TPH1: variants seen among roughly 807,000 people sequenced by gnomAD.
TPH1 encodes the protein tryptophan 5-hydroxylase 1.
In TPH1, 37 loss-of-function variants were observed where a neutral mutation model predicts 49.5. The ratio of observed to expected loss-of-function variants is 0.75; its 90% CI spans 0.58 to 0.98. The LOEUF is 0.98. TPH1 is among the 50% of genes least tolerant of loss of function. The pLI is 0.00. For synonymous variants in TPH1, 160 were observed against 182.1 expected, an observed-to-expected ratio of 0.88 and a Z score of 0.98; for missense variants, 487 against 523.6, an observed-to-expected ratio of 0.93 and a Z score of 0.68.
At chr11:18,043,145 T>C (rs1848113540) in intron 1 of TPH1, among the ~76,000 whole-genome samples, 1 of 152,126 alleles carries the variant, frequency 6.6e-6, no homozygotes, top group African/African-American at 2.4e-5. Context: ...AACCACTAGC[T>C]TCATCATGTA....
rs369872079 is a variant in TPH1, at chr11:18,040,730, A to G, written c.33T>C (p.His11=). Residue 11 remains histidine (H), a synonymous_variant, in exon 2 of 11, where the codon CAT becomes CAC. Coordinates refer to ENST00000682019, the MANE Select transcript of TPH1 (RefSeq NM_004179.3). MIEDNKENKD[H]SLERGRASLI... ...GACTTGCTCTTCCCCTTTCTAAGGA[A>G]TGGTCTTTGTTCTCCTTATTGTCTT... is the stretch of plus-strand genomic sequence containing the variant. 1.2e-6 allele frequency: 2 copies of G among 1,612,074 alleles called. No homozygotes were observed. The highest frequency in any genetic ancestry group is 1.7e-6 in the Non-Finnish European group (2 of 1,178,818).
At chr11:18,042,738 CA>C (rs919146412) in intron 1 of TPH1, among the ~76,000 whole-genome samples, 1 of 151,802 alleles carries the variant, frequency 6.6e-6, no homozygotes, top group Admixed American at 6.6e-5. Flanking sequence ...TTCCAGTTTT[CA>C]AAAAAAGAGA....
In TPH1 at chr11:18,032,044, G is replaced by C. The variant is rs550321001; in HGVS notation, c.402+1230C>G. 1.9e-3 allele frequency among the ~76,000 whole-genome samples: 291 copies of C among 152,134 alleles called. 2 individuals carry two copies. The highest frequency in any genetic ancestry group is 6.8e-3 in the African/African-American group (283 of 41,484). Reference sequence around the variant, plus strand: ...GCAATAGTTATTCAATAAGATTATAGAATAATTGGACAGATCATCTAGTGG... The same window carrying C: ...GCAATAGTTATTCAATAAGATTATACAATAATTGGACAGATCATCTAGTGG... On this transcript the variant is annotated intron_variant, in intron 4 of 10. Transcript: ENST00000682019.
chr11:18,019,457 G>A lies in TPH1; in HGVS notation c.*1534C>T, dbSNP rs1321681121. 2 of 334,456 alleles carry A rather than the reference G, an allele frequency of 6.0e-6. No homozygotes were observed. The highest frequency in any genetic ancestry group is 4.3e-5 in the African/African-American group (2 of 46,046). 20.7% of individuals were successfully genotyped at this position (334,456 alleles called of 1,614,324 possible). ...CTGTTCAATTTGAGATGCTTGGCAGGGCTGTCATATTGAACAACCCCTATT... is the reference window on the plus strand; with the variant it reads ...CTGTTCAATTTGAGATGCTTGGCAGAGCTGTCATATTGAACAACCCCTATT... On this transcript the variant is annotated 3_prime_UTR_variant, in exon 11 of 11. Transcript: ENST00000682019.
At chr11:18,030,408 G>A (rs563961677) in intron 4 of TPH1, among the ~76,000 whole-genome samples, 2 of 151,288 alleles carry the variant, frequency 1.3e-5, no homozygotes, top group East Asian at 3.9e-4. Flanking sequence ...GGCAATAGAG[G>A]GAGACTCTAT....
chr11:18,032,818 T>C (rs1056454879), intron 4 of TPH1, among the ~76,000 whole-genome samples: 4 of 152,054 alleles, frequency 2.6e-5, no homozygotes, highest in Non-Finnish European at 5.9e-5. Flanking sequence ...AGTGCTGGGC[T>C]TACAGGCGCG....
intron 3 of TPH1, among the ~76,000 whole-genome samples, chr11:18,034,339 C>T (rs2134031418): frequency 6.6e-6 from 1 of 152,216 alleles, no homozygotes; most frequent in East Asian, 1.9e-4. Flanking sequence ...GCTCTTCTTG[C>T]CCCAGCATAT....
chr11:18,022,983 T>A, intron 9 of TPH1, 52 bp from the exon 10 acceptor site: 1 of 1,594,904 alleles, frequency 6.3e-7, no homozygotes, highest in Non-Finnish European at 8.6e-7. Context: ...TTTTCATAGA[T>A]CATGCAACTT....
intron 4 of TPH1, 77 bp downstream of exon 4, chr11:18,033,197 A>AAGCCGAG: frequency 1.8e-6 from 2 of 1,110,972 alleles, no homozygotes; most frequent in Non-Finnish European, 2.8e-6. Context: ...AGGTTGCAGT[A>AAGCCGAG]AGCCGAGATC....
chr11:18,023,982 C>T lies in TPH1; in HGVS notation c.932G>A (p.Cys311Tyr), dbSNP rs768603475. 14 of 1,607,416 alleles carry T rather than the reference C, an allele frequency of 8.7e-6. No individual in the cohort carries two copies. Among genetic ancestry groups the T allele is most frequent in the Middle Eastern group, 1.7e-4 (1 of 6,044 alleles). The change falls in exon 9 of 11, where the codon TGC (cysteine) becomes TAC (tyrosine). Residue 311 changes from cysteine (C) to tyrosine (Y), a missense_variant and splice_region_variant. By Grantham distance (194) the Cys-to-Tyr change is radical. Coordinates refer to ENST00000682019, the MANE Select transcript of TPH1 (RefSeq NM_004179.3). ...ACCAAACTCCACAGTGAAAAAGTAG[C>T]ACTGCAAAAGAACATCAATATTATT... ...SEEAVQKLAT[C>Y]YFFTVEFGLC...
intron 2 of TPH1, among the ~76,000 whole-genome samples, chr11:18,039,989 T>C (rs921100236): frequency 1.3e-5 from 2 of 151,910 alleles, no homozygotes; most frequent in Non-Finnish European, 2.9e-5. Context: ...GTTCTGACAA[T>C]AGGAGACACT....
Position 18,036,265 on chromosome 11 carries a change from G to T in TPH1, c.118-123C>A, listed in dbSNP as rs1450507767. On this transcript the variant is annotated intron_variant, in intron 2 of 10. Coordinates refer to ENST00000682019, the MANE Select transcript of TPH1 (RefSeq NM_004179.3). The stretch of plus-strand genomic sequence containing the variant: ...CTTCTCAGAACAGCAAAGGGAAAAA[G>T]ACTGTTTTTAGTGCTGCCAACAACA... The T allele has an allele frequency of 5.3e-6, 4 of 751,070 alleles. No homozygotes were observed. The African/African-American group carries it at 5.3e-5, about 10-fold the overall frequency. 46.5% of individuals were successfully genotyped at this position (751,070 alleles called of 1,614,324 possible). A position where few individuals can be genotyped will look rare whatever the true frequency, so the allele number is the denominator to read the frequency against.
At chr11:18,043,245 A>G (rs988259990) in intron 1 of TPH1, among the ~76,000 whole-genome samples, 4 of 152,204 alleles carry the variant, frequency 2.6e-5, no homozygotes, top group Non-Finnish European at 2.9e-5. Context: ...CACTAACAGA[A>G]TTCTAGATCT....
Position 18,036,113 on chromosome 11 carries a change from C to T in TPH1, c.147G>A (p.Glu49=). ...AGTTTCTTCTTTTTGATTTTCGGGA[C>T]TCGATATGTAACAGATTCACATGCT... ...QEKHVNLLHI[E]SRKSKRRNSE... Residue 49 remains glutamate (E), a synonymous_variant, in exon 3 of 11, where the codon GAG becomes GAA. Transcript: ENST00000682019. The T allele has an allele frequency of 6.2e-7, 1 of 1,613,284 alleles. No homozygotes were observed. Among genetic ancestry groups the T allele is most frequent in the Non-Finnish European group, 8.5e-7 (1 of 1,179,834 alleles).
At chr11:18,026,094 C>T (rs906324593) in intron 7 of TPH1, among the ~76,000 whole-genome samples, 1 of 152,034 alleles carries the variant, frequency 6.6e-6, no homozygotes, top group Non-Finnish European at 1.5e-5. Context: ...CTCCATCCCC[C>T]TTTCTCAGCT....
chr11:18,028,908 T>C (rs1847954867), intron 6 of TPH1, among the ~76,000 whole-genome samples: 1 of 151,426 alleles, frequency 6.6e-6, no homozygotes, highest in South Asian at 2.1e-4. Context: ...CTACTAAAAA[T>C]ACAAAAATTA....
At chr11:18,024,037 A>C in intron 8 of TPH1, 54 bp from the exon 9 acceptor site, 5 of 1,382,746 alleles carry the variant, frequency 3.6e-6, no homozygotes, top group Non-Finnish European at 5.1e-6. Context: ...AACTTAAAAC[A>C]AATTACAATT....
chr11:18,023,858 T>C (rs1172456538), intron 9 of TPH1, 30 bp downstream of exon 9: 1 of 1,536,104 alleles, frequency 6.5e-7, no homozygotes. Flanking sequence ...TAGGTGAATA[T>C]GGTTATATAC....
At chr11:18,044,493 T>C (rs1848124705) in intron 1 of TPH1, among the ~76,000 whole-genome samples, 1 of 152,144 alleles carries the variant, frequency 6.6e-6, no homozygotes, top group Non-Finnish European at 1.5e-5. Flanking sequence ...AAAGGAACTT[T>C]TGCTAAGAAA....
Sources: allele counts gnomAD v4.1 joint callset (sites outside exome capture counted in the v4.1 genomes callset), GRCh38; gene constraint gnomAD v4.1.1; transcripts MANE v1.5; gene names NCBI Gene and HGNC (gene_info 2026-07-23, HGNC 2026-07-21).